The following APBA2 variants were observed in gnomAD, a reference collection of about 807,000 sequenced individuals.
The protein encoded by APBA2 is amyloid-beta A4 precursor protein-binding family A member 2.
A neutral mutation model predicts 75.0 loss-of-function variants in APBA2; 30 were observed. That is an observed-to-expected ratio of 0.40 (90% CI 0.30 to 0.54). The LOEUF (loss-of-function observed/expected upper bound fraction) is 0.54. Among genes scored for constraint, APBA2 ranks in the 20% least tolerant of loss-of-function variants. The probability of loss-of-function intolerance (pLI) is 0.49; values close to 1 mark genes in which losing one functional copy is unlikely to be tolerated. For synonymous variants in APBA2, 444 were observed against 409.6 expected, an observed-to-expected ratio of 1.08 and a Z score of -1.01; for missense variants, 801 against 1,016.1, an observed-to-expected ratio of 0.79 and a Z score of 2.88.
In APBA2 at chr15:29,105,544, G is replaced by C. The variant is rs1309588545; in HGVS notation, c.1690G>C (p.Glu564Gln). Reference protein sequence around the residue: ...NDDLIHFSNSENCKELQLEKH... With the variant: ...NDDLIHFSNSQNCKELQLEKH... Reference sequence around the variant, plus strand: ...CGACCTCATCCACTTCTCAAACTCGGAGAACTGCAAGGAGGTAAGCCACAC... The same window carrying C: ...CGACCTCATCCACTTCTCAAACTCGCAGAACTGCAAGGAGGTAAGCCACAC... The change falls in exon 11 of 15, where the codon GAG becomes CAG. Residue 564 changes from glutamate to glutamine, a missense_variant. Glu to Gln is a conservative substitution (Grantham distance 29, BLOSUM62 2). Coordinates refer to ENST00000683413, the MANE Select transcript of APBA2 (RefSeq NM_001353788.2). The C allele has an allele frequency of 6.2e-7, 1 of 1,613,518 alleles. No homozygotes were observed. Among genetic ancestry groups the C allele is most frequent in the Non-Finnish European group, 8.5e-7 (1 of 1,180,030 alleles).
chr15:28,960,491 CTCATAA>C (rs2036409882), intron 2 of APBA2, among the ~76,000 whole-genome samples: 1 of 151,488 alleles, frequency 6.6e-6, no homozygotes, highest in African/African-American at 2.4e-5. Context: ...ACTTTGAATT[CTCATAA>C]TCATAATCAT....
At chr15:29,001,318 T>G (rs1009924852) in intron 3 of APBA2, among the ~76,000 whole-genome samples, 17 of 152,266 alleles carry the variant, frequency 1.1e-4, no homozygotes, top group Admixed American at 1.1e-3. Flanking sequence ...TCAAGCAATC[T>G]TCCCACCTCA....
chr15:28,893,515 C>T (rs918639172), intron 1 of APBA2, among the ~76,000 whole-genome samples: 13 of 152,318 alleles, frequency 8.5e-5, no homozygotes, highest in African/African-American at 2.9e-4. Context: ...GAGTGGGTCA[C>T]ATTAATGGCT....
chr15:28,970,737 T>G (rs1175344285), intron 2 of APBA2, among the ~76,000 whole-genome samples: 1 of 150,986 alleles, frequency 6.6e-6, no homozygotes, highest in Non-Finnish European at 1.5e-5. Flanking sequence ...ACAAGAACAT[T>G]CTCATTTTTT....
chr15:29,090,702 G>T (rs1250612857), intron 6 of APBA2, among the ~76,000 whole-genome samples: 1 of 152,192 alleles, frequency 6.6e-6, no homozygotes, highest in African/African-American at 2.4e-5. Context: ...ACAAAGTGAC[G>T]CCATCTAGTG....
At chr15:29,027,689 G>C (rs7179435) in intron 3 of APBA2, among the ~76,000 whole-genome samples, 34,076 of 151,182 alleles carry the variant, frequency 0.23, 5,192 homozygotes, top group East Asian at 0.46. Flanking sequence ...TGCAGCCTCC[G>C]CCTCCCGGGT....
chr15:28,982,365 T>A (rs546847388), intron 2 of APBA2, among the ~76,000 whole-genome samples: 2 of 152,352 alleles, frequency 1.3e-5, no homozygotes, highest in South Asian at 4.1e-4. Flanking sequence ...TGTTTCCTTA[T>A]CCATTAAGAC....
At chr15:28,901,998 C>T (rs570165912) in intron 1 of APBA2, among the ~76,000 whole-genome samples, 3 of 143,854 alleles carry the variant, frequency 2.1e-5, no homozygotes, top group East Asian at 2.0e-4. Flanking sequence ...GGGGCTCCAG[C>T]GAGGTATGGC....
intron 3 of APBA2, among the ~76,000 whole-genome samples, chr15:29,003,988 C>T (rs1043490320): frequency 3.3e-5 from 5 of 152,182 alleles, no homozygotes; most frequent in Admixed American, 2.0e-4. Context: ...CTTGATAACA[C>T]GTGGGGGCTC....
chr15:28,895,676 G>C (rs1595399969), intron 1 of APBA2: 1 of 152,440 alleles, frequency 6.6e-6, no homozygotes, highest in South Asian at 2.1e-4. Flanking sequence ...ATGGGGGTGG[G>C]GGGCAGTATT....
intron 2 of APBA2, among the ~76,000 whole-genome samples, chr15:28,940,467 C>T (rs777607271): frequency 4.3e-5 from 5 of 117,050 alleles, no homozygotes; most frequent in South Asian, 6.3e-4. Context: ...GGCGTGAACC[C>T]GGGTGAACCC....
rs550361371 is a variant in APBA2 at position 28,909,571 on chromosome 15, T to C, written c.-204-12069T>C. ...ATCCAAGAAGCCAATGAGGACTTGA[T>C]CTTGGTCGCCTCTGTGAGGGTTGGG... On this transcript the variant is annotated intron_variant, in intron 1 of 14. Coordinates refer to ENST00000683413, the MANE Select transcript of APBA2 (RefSeq NM_001353788.2). Among the ~76,000 whole-genome samples the C allele has an allele frequency of 1.2e-3, 187 of 152,246 alleles. 1 individual carries two copies. The highest frequency in any genetic ancestry group is 4.4e-3 in the African/African-American group (182 of 41,552).
intron 3 of APBA2, among the ~76,000 whole-genome samples, chr15:29,017,862 A>G (rs539757049): frequency 6.6e-6 from 1 of 152,260 alleles, no homozygotes; most frequent in South Asian, 2.1e-4. Context: ...TAAAGGTATT[A>G]ATTTGTTATT....
At chr15:29,014,190 T>A (rs1045747603) in intron 3 of APBA2, among the ~76,000 whole-genome samples, 1 of 152,180 alleles carries the variant, frequency 6.6e-6, no homozygotes, top group Admixed American at 6.5e-5. Context: ...TCCTATTCCA[T>A]CTCACTTCGC....
chr15:29,041,873 A>C (rs1595808291), intron 3 of APBA2, among the ~76,000 whole-genome samples: 3 of 152,240 alleles, frequency 2.0e-5, no homozygotes, highest in African/African-American at 7.2e-5. Context: ...CCAGAAGATG[A>C]AAAACAAGGG....
intron 2 of APBA2, among the ~76,000 whole-genome samples, chr15:28,980,085 C>G (rs1316816535): frequency 6.6e-6 from 1 of 152,110 alleles, no homozygotes; most frequent in East Asian, 1.9e-4. Flanking sequence ...TAAATTGTGC[C>G]TTTTAGCTAA....
chr15:29,108,172 A>G, intron 12 of APBA2, 98 bp from the exon 13 acceptor site: 1 of 1,568,168 alleles, frequency 6.4e-7, no homozygotes, highest in Non-Finnish European at 8.7e-7. Context: ...GTGTGTTCTC[A>G]CTGCCCCCGG....
intron 6 of APBA2, among the ~76,000 whole-genome samples, chr15:29,088,522 A>T (rs2043398551): frequency 1.3e-5 from 2 of 152,058 alleles, no homozygotes; most frequent in African/African-American, 4.8e-5. Flanking sequence ...ATCTTCTCTC[A>T]GACTCCAGTC....
At chr15:29,070,434 T>C (rs1341870219) in intron 4 of APBA2, among the ~76,000 whole-genome samples, 19 of 152,212 alleles carry the variant, frequency 1.2e-4, no homozygotes, top group Admixed American at 1.1e-3. Context: ...TTTCCCAGTG[T>C]GTCTTGTCGT....
Sources: gnomAD v4.1 joint callset for allele counts (sites outside exome capture counted in the v4.1 genomes callset) on GRCh38, gnomAD v4.1.1 for gene constraint, MANE v1.5 for transcripts, NCBI Gene and HGNC (gene_info 2026-07-23, HGNC 2026-07-21) for gene names.